Variants in DR1 observed in about 807,000 individuals in gnomAD.
DR1 encodes the protein down-regulator of transcription 1.
A neutral mutation model predicts 19.9 loss-of-function variants in DR1; 7 were observed. That is an observed-to-expected ratio of 0.35 (90% CI 0.20 to 0.66). The LOEUF (loss-of-function observed/expected upper bound fraction) is 0.66. Among genes scored for constraint, DR1 ranks in the 30% least tolerant of loss-of-function variants. The pLI is 0.66. For missense variants in DR1, 98 were observed against 203.7 expected, an observed-to-expected ratio of 0.48 and a Z score of 3.16; for synonymous variants, 76 against 72.5, an observed-to-expected ratio of 1.05 and a Z score of -0.24.
At chr1:93,359,048 CAA>C (rs1667024964) in intron 2 of DR1, among the ~76,000 whole-genome samples, 1 of 151,566 alleles carries the variant, frequency 6.6e-6, no homozygotes, top group Non-Finnish European at 1.5e-5. Flanking sequence ...GTACATGTTA[CAA>C]AAAAAGACTA....
At chr1:93,351,674 A>G (rs576880661) in intron 1 of DR1, among the ~76,000 whole-genome samples, 1 of 152,156 alleles carries the variant, frequency 6.6e-6, no homozygotes, top group Non-Finnish European at 1.5e-5. Flanking sequence ...GACTTCAAGT[A>G]ATCCCCGTGC....
rs1667080652 is a variant in DR1, at chr1:93,363,369, T to C, written c.*2730T>C. ...AACAAACTACCACAAACTTAGTGAC[T>C]TAAAACAACACAGATTTATTCTTTT... On this transcript the variant is annotated 3_prime_UTR_variant, in exon 3 of 3. Transcript: ENST00000370272. 6.6e-6 allele frequency: 1 copy of C among 152,294 alleles called. No homozygotes were observed. The highest frequency in any genetic ancestry group is 2.4e-5 in the African/African-American group (1 of 41,458). The allele number at this position is 152,294 out of a possible 1,614,324, so 9.4% of individuals were successfully genotyped here.
rs1667048006 is a variant in DR1, at chr1:93,361,175, C to T, written c.*536C>T. ...AAATATATATGCTCAGATCAATATA[C>T]TTGTTTAGAAAAACTTCAAGACATT... On this transcript the variant is annotated 3_prime_UTR_variant, in exon 3 of 3. Coordinates refer to ENST00000370272, the MANE Select transcript of DR1 (RefSeq NM_001938.3). 1 of 152,330 alleles carries T rather than the reference C, an allele frequency of 6.6e-6. No individual in the cohort carries two copies. The highest frequency in any genetic ancestry group is 2.1e-4 in the South Asian group (1 of 4,824). The allele number at this position is 152,330 out of a possible 1,614,324, so 9.4% of individuals were successfully genotyped here. A position where few individuals can be genotyped will look rare whatever the true frequency, so the allele number is the denominator to read the frequency against.
rs1203826185 is a variant in DR1, at chr1:93,346,419, G to A, written c.-227G>A. The A allele has an allele frequency of 2.1e-5, 12 of 559,494 alleles. No homozygotes were observed. The African/African-American group carries it at 2.3e-4, about 11-fold the overall frequency. The allele number at this position is 559,494 out of a possible 1,614,324, so 34.7% of individuals were successfully genotyped here. ...CTCAGCCTGGGCTGTGCTCTCTCTA[G>A]AATCCTCGGGCCCCCACTTTCTTCC... On this transcript the variant is annotated 5_prime_UTR_variant, in exon 1 of 3. Coordinates refer to ENST00000370272, the MANE Select transcript of DR1 (RefSeq NM_001938.3).
intron 1 of DR1, 118 bp from the exon 2 acceptor site, chr1:93,353,790 G>T: frequency 1.3e-6 from 1 of 759,462 alleles, no homozygotes; most frequent in Non-Finnish European, 2.0e-6. Context: ...AAAATTATTA[G>T]AAAACAGCAA....
At position 93,346,451 on chromosome 1, in the gene DR1, C is replaced by T; in HGVS notation, c.-195C>T. 1 of 593,006 alleles carries T rather than the reference C, an allele frequency of 1.7e-6. No homozygotes were observed. Among genetic ancestry groups the T allele is most frequent in the Non-Finnish European group, 3.0e-6 (1 of 333,946 alleles). The allele number at this position is 593,006 out of a possible 1,614,324, so 36.7% of individuals were successfully genotyped here. On this transcript the variant is annotated 5_prime_UTR_variant, in exon 1 of 3. Coordinates refer to ENST00000370272, the MANE Select transcript of DR1 (RefSeq NM_001938.3). ...CGGGCCCCCACTTTCTTCCCAAACT[C>T]ATCCTAAATCTCTCACACACGCGAG...
chr1:93,350,965 C>T (rs192990916), intron 1 of DR1, among the ~76,000 whole-genome samples: 10 of 152,194 alleles, frequency 6.6e-5, no homozygotes, highest in Non-Finnish European at 7.4e-5. Context: ...AGTAAACATA[C>T]GAATTTATGG....
Position 93,346,065 on chromosome 1 carries a change from C to T in DR1, c.-581C>T. Reference sequence around the variant, plus strand: ...TGCCTGGCTCTGTCCATATTAGTTCCCAGGCGGCCGTCGCCGTTCCAGCAG... The same window carrying T: ...TGCCTGGCTCTGTCCATATTAGTTCTCAGGCGGCCGTCGCCGTTCCAGCAG... On this transcript the variant is annotated 5_prime_UTR_variant, in exon 1 of 3. Coordinates refer to ENST00000370272, the MANE Select transcript of DR1 (RefSeq NM_001938.3). The T allele has an allele frequency of 5.0e-6, 1 of 201,120 alleles. No homozygotes were observed. The highest frequency in any genetic ancestry group is 7.5e-5 in the South Asian group (1 of 13,322). 12.5% of individuals were successfully genotyped at this position (201,120 alleles called of 1,614,324 possible). A position where few individuals can be genotyped will look rare whatever the true frequency, so the allele number is the denominator to read the frequency against.
Position 93,360,681 on chromosome 1 carries a change from C to G in DR1, c.*42C>G. 2 of 1,562,202 alleles carry G rather than the reference C, an allele frequency of 1.3e-6. No homozygotes were observed. The highest frequency in any genetic ancestry group is 1.7e-6 in the Non-Finnish European group (2 of 1,162,938). Reference sequence around the variant, plus strand: ...TTCTATTTCTTCTATAAATGTTTTTCCCTGCACAACAAAAACAGTGAAAGA... The same window carrying G: ...TTCTATTTCTTCTATAAATGTTTTTGCCTGCACAACAAAAACAGTGAAAGA... On this transcript the variant is annotated 3_prime_UTR_variant, in exon 3 of 3. Coordinates refer to ENST00000370272, the MANE Select transcript of DR1 (RefSeq NM_001938.3).
Position 93,345,915 on chromosome 1 carries a change from T to C in DR1, c.-731T>C, listed in dbSNP as rs1666821690. The C allele has an allele frequency of 6.6e-6, 1 of 152,116 alleles. No homozygotes were observed. The highest frequency in any genetic ancestry group is 2.0e-4 in the South Asian group (1 of 4,894). The allele number at this position is 152,116 out of a possible 1,614,324, so 9.4% of individuals were successfully genotyped here. A position where few individuals can be genotyped will look rare whatever the true frequency, so the allele number is the denominator to read the frequency against. On this transcript the variant is annotated 5_prime_UTR_variant, in exon 1 of 3. Transcript: ENST00000370272. ...ACGAGGCTTCCGGTGGCGCAAAGGG[T>C]GTCGGGAGCGGCTTCCTGCAAACCT...
intron 1 of DR1, among the ~76,000 whole-genome samples, chr1:93,350,311 G>C (rs1483115268): frequency 2.6e-5 from 4 of 152,092 alleles, no homozygotes; most frequent in Non-Finnish European, 5.9e-5. Flanking sequence ...TGGAGGACAT[G>C]GTTCTTAAGG....
intron 1 of DR1, among the ~76,000 whole-genome samples, chr1:93,348,285 T>C (rs1666876393): frequency 6.6e-6 from 1 of 152,082 alleles, no homozygotes; most frequent in African/African-American, 2.4e-5. Context: ...ATTTTTTCCC[T>C]TGTGTATTTA....
rs766872323 is a variant in DR1, at chr1:93,346,849, A to G, written c.204A>G (p.Pro68=). The G allele has an allele frequency of 6.2e-7, 1 of 1,611,672 alleles. No homozygotes were observed. The highest frequency in any genetic ancestry group is 8.5e-7 in the Non-Finnish European group (1 of 1,178,740). The change falls in exon 1 of 3, where the codon CCA becomes CCG. Residue 68 remains proline (P), a synonymous_variant. Transcript: ENST00000370272. ...CNKSEKKTIS[P]EHVIQALESL... is the part of the protein sequence containing the mutation. ...AATCGGAAAAGAAGACCATCTCACC[A>G]GAGCATGTCATACAAGGTAAGTCGT...
In DR1 at chr1:93,364,923, G is replaced by C. The variant is rs771455; in HGVS notation, c.*4284G>C. ...GGCTGGAATGCAGTGGCGCGATCTC[G>C]GCTCACTGCAAGCTCCGCCTCCCGG... On this transcript the variant is annotated 3_prime_UTR_variant, in exon 3 of 3. Coordinates refer to ENST00000370272, the MANE Select transcript of DR1 (RefSeq NM_001938.3). 0.84 allele frequency: 121,469 copies of C among 145,166 alleles called. 50,906 individuals are homozygous for C. The highest frequency in any genetic ancestry group is 1 in the East Asian group (4,920 of 4,922). 9.0% of individuals were successfully genotyped at this position (145,166 alleles called of 1,614,324 possible).
At chr1:93,353,806 T>C (rs1557746084) in intron 1 of DR1, 102 bp from the exon 2 acceptor site, 1 of 877,704 alleles carries the variant, frequency 1.1e-6, no homozygotes, top group Non-Finnish European at 1.7e-6. Context: ...AGCAAAACAT[T>C]CCCCTCCCCC....
chr1:93,368,075 G>A lies in DR1; in HGVS notation c.*7436G>A, dbSNP rs550873131. 1 of 152,230 alleles carries A rather than the reference G, an allele frequency of 6.6e-6. No individual in the cohort carries two copies. The highest frequency in any genetic ancestry group is 2.1e-4 in the South Asian group (1 of 4,824). 9.4% of individuals were successfully genotyped at this position (152,230 alleles called of 1,614,324 possible). A position where few individuals can be genotyped will look rare whatever the true frequency, so the allele number is the denominator to read the frequency against. On this transcript the variant is annotated 3_prime_UTR_variant, in exon 3 of 3. Transcript: ENST00000370272. ...CTGCTGTATGTGATATGAACAATGA[G>A]GATCAACTCTTTTTGTAATAGTTTT...
Position 93,362,834 on chromosome 1 carries a change from T to C in DR1, c.*2195T>C, listed in dbSNP as rs1375494496. ...TTATTTTTAGGTTTTTTCTTTTTTT[T>C]TTTTTTTTTTTTTTTTTTTTAGCAT... On this transcript the variant is annotated 3_prime_UTR_variant, in exon 3 of 3. Transcript: ENST00000370272. 2 of 116,648 alleles carry C rather than the reference T, an allele frequency of 1.7e-5. No homozygotes were observed. The highest frequency in any genetic ancestry group is 5.8e-5 in the African/African-American group (2 of 34,252). The allele number at this position is 116,648 out of a possible 1,614,324, so 7.2% of individuals were successfully genotyped here.
intron 1 of DR1, among the ~76,000 whole-genome samples, chr1:93,351,796 A>G (rs918768164): frequency 5.9e-5 from 9 of 152,126 alleles, no homozygotes; most frequent in African/African-American, 2.2e-4. Flanking sequence ...TTGTCTCTCC[A>G]TTGTGTTGAT....
intron 1 of DR1, among the ~76,000 whole-genome samples, chr1:93,348,287 G>A (rs1666876461): frequency 6.7e-6 from 1 of 150,330 alleles, no homozygotes; most frequent in Admixed American, 6.6e-5. Flanking sequence ...TTTTTCCCTT[G>A]TGTATTTATT....
Sources: allele counts gnomAD v4.1 joint callset (sites outside exome capture counted in the v4.1 genomes callset), GRCh38; gene constraint gnomAD v4.1.1; transcripts MANE v1.5; gene names NCBI Gene and HGNC (gene_info 2026-07-23, HGNC 2026-07-21).